Variants in DPH1 observed in about 807,000 individuals in gnomAD.
The protein encoded by DPH1 is diphthamide biosynthesis 1.
DPH1 carries 59 observed loss-of-function variants against 55.3 expected under a neutral mutation model. That is an observed-to-expected ratio of 1.07 (90% CI 0.87 to 1.33). The LOEUF is 1.33. DPH1 is among the 40% of genes most tolerant of loss of function. The pLI is 0.00. For missense variants in DPH1, 628 were observed against 584.8 expected (o/e 1.07, Z -0.76); for synonymous variants, 238 against 235.5 (o/e 1.01, Z -0.10).
chr17:2,039,905 C>T (rs2067487774), intron 7 of DPH1, 82 bp downstream of exon 7: 1 of 1,590,770 alleles, frequency 6.3e-7, no homozygotes, highest in Non-Finnish European at 8.6e-7. Flanking sequence ...GGTTGCATCC[C>T]CATTTCCTGG....
chr17:2,038,146 C>A (rs1455392978), intron 6 of DPH1, among the ~76,000 whole-genome samples: 48 of 76,788 alleles, frequency 6.3e-4, no homozygotes, highest in African/African-American at 2.3e-3. Flanking sequence ...CCTGTTCTCT[C>A]CAAAAAAAAA....
At chr17:2,033,868 G>T (rs527565762) in intron 3 of DPH1, 26 bp downstream of exon 3, 82 of 1,613,268 alleles carry the variant, frequency 5.1e-5, no homozygotes, top group Non-Finnish European at 6.7e-5. Flanking sequence ...CTGGAGAGGA[G>T]GGTGAGCCAG....
intron 1 of DPH1, among the ~76,000 whole-genome samples, chr17:2,033,012 G>C (rs928904736): frequency 6.6e-6 from 1 of 152,234 alleles, no homozygotes; most frequent in Non-Finnish European, 1.5e-5. Flanking sequence ...GATTACAGGC[G>C]TGAGCCACTG....
intron 10 of DPH1, 28 bp from the exon 11 acceptor site, chr17:2,041,453 G>A (rs2067521580): frequency 1.9e-6 from 3 of 1,581,474 alleles, no homozygotes; most frequent in Non-Finnish European, 2.6e-6. Context: ...ACTGGCAGAT[G>A]TTATTGTCCC....
chr17:2,035,548 GGGA>G (rs2067409526), intron 3 of DPH1, among the ~76,000 whole-genome samples: 1 of 151,576 alleles, frequency 6.6e-6, no homozygotes, highest in African/African-American at 2.4e-5. Flanking sequence ...CCCGGCAAGA[GGGA>G]GGCTGTGTGT....
chr17:2,041,250 G>A, intron 10 of DPH1, 69 bp downstream of exon 10: 4 of 1,538,394 alleles, frequency 2.6e-6, no homozygotes, highest in Middle Eastern at 1.7e-4. Flanking sequence ...GGAGTGGAGT[G>A]GGGTGGGTGG....
At position 2,033,599 on chromosome 17, in the gene DPH1, C is replaced by G; in HGVS notation, c.156C>G (p.Asn52Lys). ...CAGCAATCCGGGTCCTGCCTTCCAA[C>G]TACAACTTTGAGATCCCCAAGACCA... ...LQAAIRVLPS[N>K]YNFEIPKTIW... Residue 52 changes from asparagine to lysine, a missense_variant, in exon 2 of 13, where the codon AAC (asparagine) becomes AAG (lysine). Asn to Lys is a moderately conservative substitution (Grantham distance 94). Coordinates refer to ENST00000263083, the MANE Select transcript of DPH1 (RefSeq NM_001383.6). The G allele has an allele frequency of 1.9e-6, 3 of 1,614,250 alleles. No homozygotes were observed. Among genetic ancestry groups the G allele is most frequent in the Non-Finnish European group, 2.5e-6 (3 of 1,180,048 alleles).
intron 3 of DPH1, among the ~76,000 whole-genome samples, chr17:2,034,550 C>T (rs1440638355): frequency 2.0e-5 from 2 of 99,158 alleles, no homozygotes; most frequent in East Asian, 3.7e-4. Flanking sequence ...TGCCCCATCC[C>T]CCTCCCCTGC....
chr17:2,039,992 CT>C (rs1328712643), intron 7 of DPH1, among the ~76,000 whole-genome samples, 169 bp downstream of exon 7: 1 of 152,246 alleles, frequency 6.6e-6, no homozygotes, highest in African/African-American at 2.4e-5. Flanking sequence ...CTGCTGTTGC[CT>C]ACCCGTCTCC....
At chr17:2,042,064 C>T (rs926822381) in intron 12 of DPH1, 189 bp downstream of exon 12, 10 of 1,545,130 alleles carry the variant, frequency 6.5e-6, no homozygotes, top group African/African-American at 4.2e-5. Flanking sequence ...GCGCAGCGAC[C>T]CCTGCGGGTC....
At position 2,043,147 on chromosome 17, in the gene DPH1, G is replaced by C. The variant is rs769601302; in HGVS notation, c.*561G>C. ...CTGCTCCTACATCCAGCTCCTCTAG[G>C]GGCAGCCTCCGTCATCCATGCCCTC... On this transcript the variant is annotated 3_prime_UTR_variant, in exon 13 of 13. Coordinates refer to ENST00000263083, the MANE Select transcript of DPH1 (RefSeq NM_001383.6). 6.3e-7 allele frequency: 1 copy of C among 1,588,138 alleles called. No homozygotes were observed. The highest frequency in any genetic ancestry group is 2.2e-5 in the East Asian group (1 of 44,644).
chr17:2,043,037 A>AGGGGCATTGGGTTCAAGGAATCCATC lies in DPH1; in HGVS notation c.*451_*452insGGGGCATTGGGTTCAAGGAATCCATC. 6.2e-7 allele frequency: 1 copy of AGGGGCATTGGGTTCAAGGAATCCATC among 1,613,960 alleles called. No homozygotes were observed. ...ATCACCCTCACCCACTCTGGTGGCC[A>AGGGGCATTGGGTTCAAGGAATCCATC]CTTCATTCCAGCAGCTGCACCCCAG... On this transcript the variant is annotated 3_prime_UTR_variant, in exon 13 of 13. Transcript: ENST00000263083.
intron 7 of DPH1, 131 bp downstream of exon 7, chr17:2,039,954 G>A: frequency 7.2e-7 from 1 of 1,382,240 alleles, no homozygotes; most frequent in South Asian, 1.2e-5. Flanking sequence ...AGGCACTTGG[G>A]CCCTGGATCT....
intron 12 of DPH1, chr17:2,042,371 T>C: frequency 8.8e-7 from 1 of 1,133,880 alleles, no homozygotes; most frequent in Non-Finnish European, 1.2e-6. Context: ...TCGCGACCCA[T>C]ACCCTCTTTG....
intron 1 of DPH1, among the ~76,000 whole-genome samples, chr17:2,031,870 T>G (rs2067337112): frequency 6.6e-6 from 1 of 152,094 alleles, no homozygotes; most frequent in South Asian, 2.1e-4. Flanking sequence ...GAGTTGTAAT[T>G]ATGTGTATAC....
At chr17:2,037,177 G>A (rs2067439837) in intron 6 of DPH1, 1 of 560,266 alleles carries the variant, frequency 1.8e-6, no homozygotes, top group Non-Finnish European at 2.8e-6. Context: ...CAGGGTGGGG[G>A]CAGGAATCAG....
intron 10 of DPH1, 94 bp downstream of exon 10, chr17:2,041,275 T>C: frequency 2.0e-6 from 3 of 1,496,706 alleles, no homozygotes; most frequent in East Asian, 2.5e-5. Flanking sequence ...CACTTCGTTA[T>C]GTTCGTAGAT....
In DPH1 at chr17:2,033,616, C is replaced by T; in HGVS notation, c.173C>T (p.Pro58Leu). ...VLPSNYNFEI[P>L]KTIWRIQQAQ... ...CCTTCCAACTACAACTTTGAGATCC[C>T]CAAGACCATCTGGAGGATCCAACAA... is the stretch of plus-strand genomic sequence containing the variant. The change falls in exon 2 of 13, where the codon CCC (proline) becomes CTC (leucine). Residue 58 changes from proline (P) to leucine (L), a missense_variant. Pro to Leu is a moderately conservative substitution (Grantham distance 98). Transcript: ENST00000263083. 2 of 1,614,214 alleles carry T rather than the reference C, an allele frequency of 1.2e-6. No homozygotes were observed. The highest frequency in any genetic ancestry group is 1.7e-6 in the Non-Finnish European group (2 of 1,180,046).
chr17:2,041,068 C>T, intron 9 of DPH1, 35 bp from the exon 10 acceptor site: 3 of 1,573,924 alleles, frequency 1.9e-6, no homozygotes, highest in Non-Finnish European at 2.6e-6. Context: ...GACGAGGAGG[C>T]CCTTCCTAGG....
Sources: allele counts gnomAD v4.1 joint callset (sites outside exome capture counted in the v4.1 genomes callset), GRCh38; gene constraint gnomAD v4.1.1; transcripts MANE v1.5; gene names NCBI Gene and HGNC (gene_info 2026-07-23, HGNC 2026-07-21).